SP2: variants seen among roughly 807,000 people sequenced by gnomAD.
The protein encoded by SP2 is transcription factor Sp2.
SP2 carries 9 observed loss-of-function variants against 50.1 expected under a neutral mutation model. The ratio of observed to expected loss-of-function variants is 0.18; its 90% confidence interval spans 0.11 to 0.31. The LOEUF is 0.31. Ranked by LOEUF, SP2 falls within the 10% of genes least tolerant of loss-of-function variation. The probability of loss-of-function intolerance (pLI) is 1.00; values close to 1 mark genes in which losing one functional copy is unlikely to be tolerated. For missense variants in SP2, 581 were observed against 806.5 expected (o/e 0.72, Z 3.39); for synonymous variants, 313 against 326.6 (o/e 0.96, Z 0.45).
At chr17:47,930,566 G>A (rs535876459), downstream of SP2, among the ~76,000 whole-genome samples, 3 of 152,322 alleles carry the variant, frequency 2.0e-5, no homozygotes, top group Admixed American at 2.0e-4. Context: ...ATTCTGCCTA[G>A]CTGAGTGATG....
At chr17:47,917,691 T>TA in intron 3 of SP2, 1 of 347,382 alleles carries the variant, frequency 2.9e-6, no homozygotes, top group South Asian at 2.1e-5. Flanking sequence ...ATGCGGTCAC[T>TA]ACAGTCTTAA....
chr17:47,921,666 C>T (rs2035463060), intron 3 of SP2, among the ~76,000 whole-genome samples: 1 of 152,200 alleles, frequency 6.6e-6, no homozygotes, highest in African/African-American at 2.4e-5. Flanking sequence ...TTTCAAGTCC[C>T]CACCATTCTG....
intron 5 of SP2, 125 bp from the exon 6 acceptor site, chr17:47,925,223 C>T (rs1040072385): frequency 1.4e-6 from 2 of 1,412,914 alleles, no homozygotes; most frequent in Non-Finnish European, 1.9e-6. Flanking sequence ...GCCACCTTGC[C>T]CCCTGCCTCC....
chr17:47,898,762 G>A (rs1169189637), intron 1 of SP2: 1 of 152,164 alleles, frequency 6.6e-6, no homozygotes, highest in Non-Finnish European at 1.5e-5. Context: ...CAGAGTTTAG[G>A]GATGCAGTAG....
intron 1 of SP2, among the ~76,000 whole-genome samples, chr17:47,910,824 CT>C (rs1171949699): frequency 6.6e-6 from 1 of 152,172 alleles, no homozygotes; most frequent in African/African-American, 2.4e-5. Flanking sequence ...TGAAGTTGTC[CT>C]AATTAGCCCA....
intron 1 of SP2, among the ~76,000 whole-genome samples, chr17:47,906,379 C>T (rs1420063991): frequency 6.6e-6 from 1 of 152,186 alleles, no homozygotes; most frequent in Non-Finnish European, 1.5e-5. Flanking sequence ...TGTCCGTGAG[C>T]CATGTGCCAG....
At position 47,909,219 on chromosome 17, in the gene SP2, A is replaced by G. The variant is rs189093674; in HGVS notation, c.8-6093A>G. Among the ~76,000 whole-genome samples, 17 of 152,278 alleles carry G rather than the reference A, an allele frequency of 1.1e-4. No individual in the cohort carries two copies. In the East Asian group the frequency reaches 3.1e-3, roughly 28 times the overall value. On this transcript the variant is annotated intron_variant, in intron 1 of 6. Transcript: ENST00000376741. ...GTGGCCCAAGTGTGTAAACTACAGGAGGATATTATTTTTTTGTTCTATGAC... is the reference window on the plus strand; with the variant it reads ...GTGGCCCAAGTGTGTAAACTACAGGGGGATATTATTTTTTTGTTCTATGAC...
In SP2 at chr17:47,916,001, A is replaced by G. The variant is rs544630306; in HGVS notation, c.85-155A>G. Among the ~76,000 whole-genome samples, 3 of 152,176 alleles carry G rather than the reference A, an allele frequency of 2.0e-5. No homozygotes were observed. Among genetic ancestry groups the G allele is most frequent in the East Asian group, 1.9e-4 (1 of 5,172 alleles). Reference sequence around the variant, plus strand: ...TGGAGAAACCAGTAGAGAAGGGGAGACAGCAGCCAAGCAGGGGAGGGTACT... The same window carrying G: ...TGGAGAAACCAGTAGAGAAGGGGAGGCAGCAGCCAAGCAGGGGAGGGTACT... On this transcript the variant is annotated intron_variant, in intron 2 of 6. Transcript: ENST00000376741. The surrounding 1 kb of genome is among the most constrained non-coding windows in gnomAD (Gnocchi z 4.7).
At chr17:47,897,609 C>T (rs1871664052) in intron 1 of SP2, among the ~76,000 whole-genome samples, 1 of 152,176 alleles carries the variant, frequency 6.6e-6, no homozygotes, top group Admixed American at 6.5e-5. Flanking sequence ...CAGTGGAGGG[C>T]TGTATTGAGT....
chr17:47,926,903 G>T (rs2035672329), intron 6 of SP2, among the ~76,000 whole-genome samples: 1 of 152,268 alleles, frequency 6.6e-6, no homozygotes, highest in Non-Finnish European at 1.5e-5. Flanking sequence ...GCTGAGGGAA[G>T]CGTGACCCAG....
Position 47,928,294 on chromosome 17 carries a change from C to G in SP2, c.*470C>G, listed in dbSNP as rs538708384. 1 of 155,822 alleles carries G rather than the reference C, an allele frequency of 6.4e-6. No homozygotes were observed. Among genetic ancestry groups the G allele is most frequent in the Non-Finnish European group, 1.4e-5 (1 of 69,660 alleles). 9.7% of individuals were successfully genotyped at this position (155,822 alleles called of 1,614,324 possible). A position where few individuals can be genotyped will look rare whatever the true frequency, so the allele number is the denominator to read the frequency against. On this transcript the variant is annotated 3_prime_UTR_variant, in exon 7 of 7. Transcript: ENST00000376741. Reference sequence around the variant, plus strand: ...CTTGGCACCCACCTCTGGAGAAACTCGGGGCCACCTCCACTCCATGTGCCC... The same window carrying G: ...CTTGGCACCCACCTCTGGAGAAACTGGGGGCCACCTCCACTCCATGTGCCC...
intron 1 of SP2, chr17:47,897,826 A>G (rs1338187448): frequency 2.0e-6 from 2 of 984,378 alleles, no homozygotes; most frequent in African/African-American, 1.7e-5. Flanking sequence ...GGGCGAATCT[A>G]TCAGACAACC....
At chr17:47,918,209 A>G (rs983970964) in intron 3 of SP2, among the ~76,000 whole-genome samples, 4 of 152,110 alleles carry the variant, frequency 2.6e-5, no homozygotes, top group Non-Finnish European at 5.9e-5. Flanking sequence ...GAGAGTGGGA[A>G]GTTGTGTAAT....
intron 3 of SP2, 87 bp from the exon 4 acceptor site, chr17:47,922,875 C>A: frequency 1.7e-6 from 2 of 1,201,932 alleles, no homozygotes; most frequent in Non-Finnish European, 1.2e-6. Context: ...ACAGGCGCCC[C>A]CAGTTCTCAC....
chr17:47,919,587 A>T (rs923121489), intron 3 of SP2, among the ~76,000 whole-genome samples: 1 of 151,960 alleles, frequency 6.6e-6, no homozygotes, highest in Admixed American at 6.6e-5. Flanking sequence ...TGCCACCATG[A>T]TCCCCCTTGT....
At position 47,923,121 on chromosome 17, in the gene SP2, C is replaced by A; in HGVS notation, c.1219C>A (p.Arg407=). 6.2e-7 allele frequency: 1 copy of A among 1,614,224 alleles called. No homozygotes were observed. Among genetic ancestry groups the A allele is most frequent in the Non-Finnish European group, 8.5e-7 (1 of 1,180,046 alleles). ...CAAAAAGCACTCAGCTGCAATTCTC[C>A]GAAAAGAGCGTCCCCTGCCAAAGAT... ...TSKKHSAAIL[R]KERPLPKIAP... is the part of the protein sequence containing the mutation. Residue 407 remains arginine (R), a synonymous_variant, in exon 4 of 7, where the codon CGA becomes AGA. Coordinates refer to ENST00000376741, the MANE Select transcript of SP2 (RefSeq NM_003110.6).
At chr17:47,901,018 C>G (rs538017936) in intron 1 of SP2, among the ~76,000 whole-genome samples, 2 of 152,280 alleles carry the variant, frequency 1.3e-5, no homozygotes, top group African/African-American at 2.4e-5. Flanking sequence ...CACACACTTC[C>G]AGAGTCCCTT....
intron 6 of SP2, among the ~76,000 whole-genome samples, chr17:47,927,360 CCT>C (rs967043167): frequency 6.6e-6 from 1 of 151,816 alleles, no homozygotes; most frequent in Non-Finnish European, 1.5e-5. Context: ...ATGGCGAAAC[CCT>C]GTCTCTACAA....
At chr17:47,919,000 AATACACACACACACATGCATGCACGC>A (rs1456644728) in intron 3 of SP2, among the ~76,000 whole-genome samples, 1 of 56,792 alleles carries the variant, frequency 1.8e-5, no homozygotes, top group African/African-American at 5.2e-5. Flanking sequence ...TTCAGATGCA[AATACACACACACACATGCATGCACGC>A]ATACACACAC....
Sources: gnomAD v4.1 joint callset for allele counts (sites outside exome capture counted in the v4.1 genomes callset) on GRCh38, gnomAD v4.1.1 for gene constraint, Gnocchi (gnomAD v3.1) non-coding constraint, MANE v1.5 for transcripts, NCBI Gene and HGNC (gene_info 2026-07-23, HGNC 2026-07-21) for gene names.